Variants in ARB2A observed in about 807,000 individuals in gnomAD.
The protein encoded by ARB2A is ARB2 cotranscriptional regulator A.
At chr5:93,671,446 G>C in the ARB2A span, among the ~76,000 whole-genome samples, 1 of 152,006 alleles carries the variant, frequency 6.6e-6, no homozygotes, top group African/African-American at 2.4e-5. Flanking sequence ...TTGAAAATTT[G>C]TTCTAAATGT....
the ARB2A span, among the ~76,000 whole-genome samples, chr5:93,783,544 T>G: frequency 6.6e-6 from 1 of 152,146 alleles, no homozygotes; most frequent in African/African-American, 2.4e-5. Context: ...GAAGAGCCAC[T>G]AGGTATTCTA....
the ARB2A span, among the ~76,000 whole-genome samples, chr5:93,751,739 T>C: frequency 6.6e-6 from 1 of 152,180 alleles, no homozygotes; most frequent in African/African-American, 2.4e-5. Context: ...GCAATGCAGT[T>C]TTCTTTGAAG....
the ARB2A span, among the ~76,000 whole-genome samples, chr5:94,006,802 G>C: frequency 6.6e-6 from 1 of 152,148 alleles, no homozygotes; most frequent in Non-Finnish European, 1.5e-5. Flanking sequence ...ATATGAAATT[G>C]CTCATAAAAT....
chr5:93,946,777 T>C, the ARB2A span, among the ~76,000 whole-genome samples: 15 of 152,310 alleles, frequency 9.8e-5, no homozygotes, highest in African/African-American at 2.6e-4. Context: ...ATTACATGTA[T>C]GAATCACAGT....
At chr5:93,945,969 C>T in the ARB2A span, among the ~76,000 whole-genome samples, 1 of 152,112 alleles carries the variant, frequency 6.6e-6, no homozygotes, top group Admixed American at 6.5e-5. Flanking sequence ...ACACTGGAAA[C>T]TAGAAGACAA....
chr5:93,987,892 C>T, the ARB2A span, among the ~76,000 whole-genome samples: 2 of 152,142 alleles, frequency 1.3e-5, no homozygotes, highest in African/African-American at 4.8e-5. Context: ...AATATTCAAA[C>T]ATTTATTGAA....
At chr5:93,679,663 G>A in the ARB2A span, among the ~76,000 whole-genome samples, 1 of 151,966 alleles carries the variant, frequency 6.6e-6, no homozygotes, top group African/African-American at 2.4e-5. Context: ...TGTAAATGAG[G>A]GGACTATGTG....
At chr5:93,709,988 A>G in the ARB2A span, among the ~76,000 whole-genome samples, 1 of 152,222 alleles carries the variant, frequency 6.6e-6, no homozygotes, top group Non-Finnish European at 1.5e-5. Flanking sequence ...TTAATACAGG[A>G]AGGGCTTAAG....
chr5:93,852,392 C>A, the ARB2A span, among the ~76,000 whole-genome samples: 2 of 152,044 alleles, frequency 1.3e-5, no homozygotes, highest in Non-Finnish European at 2.9e-5. Context: ...AATTTTCTCC[C>A]ATTTTGTAGG....
At chr5:93,806,640 C>T in the ARB2A span, among the ~76,000 whole-genome samples, 1 of 151,790 alleles carries the variant, frequency 6.6e-6, no homozygotes, top group Non-Finnish European at 1.5e-5. Flanking sequence ...ACATTTAATT[C>T]GCTCCAGAGT....
chr5:93,650,732 T>C, the ARB2A span, among the ~76,000 whole-genome samples: 1 of 152,024 alleles, frequency 6.6e-6, no homozygotes, highest in South Asian at 2.1e-4. Context: ...GGCTAATGCT[T>C]GTAATCCAGC....
chr5:93,846,000 G>GACACACACACAC, the ARB2A span, among the ~76,000 whole-genome samples: 1 of 146,668 alleles, frequency 6.8e-6, no homozygotes, highest in Non-Finnish European at 1.5e-5. Context: ...CTCTCTCTGT[G>GACACACACACAC]ACACACACAC....
At chr5:94,043,452 A>G in the ARB2A span, among the ~76,000 whole-genome samples, 1 of 152,224 alleles carries the variant, frequency 6.6e-6, no homozygotes, top group South Asian at 2.1e-4. Context: ...ACTTACAGCA[A>G]TATAGTTATT....
the ARB2A span, among the ~76,000 whole-genome samples, chr5:93,841,305 T>C: frequency 6.6e-6 from 1 of 152,316 alleles, no homozygotes; most frequent in Non-Finnish European, 1.5e-5. Flanking sequence ...ATACCCAACA[T>C]GGCCAGACTT....
the ARB2A span, among the ~76,000 whole-genome samples, chr5:94,005,539 A>G: frequency 6.6e-6 from 1 of 152,216 alleles, no homozygotes; most frequent in East Asian, 1.9e-4. Flanking sequence ...TGACTGCAAA[A>G]GCACTACAAG....
At chr5:94,016,817 C>T in the ARB2A span, among the ~76,000 whole-genome samples, 1 of 152,140 alleles carries the variant, frequency 6.6e-6, no homozygotes, top group Non-Finnish European at 1.5e-5. Context: ...AAATAATTCA[C>T]AAGTCAGGTA....
the ARB2A span, among the ~76,000 whole-genome samples, chr5:93,832,070 A>G: frequency 6.6e-6 from 1 of 152,188 alleles, no homozygotes; most frequent in Non-Finnish European, 1.5e-5. Flanking sequence ...TCCATTGACT[A>G]AAAAAGATAT....
At chr5:93,977,424 G>A in the ARB2A span, among the ~76,000 whole-genome samples, 2 of 152,000 alleles carry the variant, frequency 1.3e-5, no homozygotes, top group Non-Finnish European at 2.9e-5. Context: ...TAGATACATA[G>A]GCCAATGGAA....
the ARB2A span, among the ~76,000 whole-genome samples, chr5:94,029,737 T>G: frequency 1.3e-5 from 2 of 152,262 alleles, no homozygotes; most frequent in Non-Finnish European, 2.9e-5. Context: ...ATTTTGGTAC[T>G]GTGCAAATAT....
Sources: gnomAD v4.1 joint callset for allele counts (sites outside exome capture counted in the v4.1 genomes callset) on GRCh38, gnomAD v4.1.1 for gene constraint, MANE v1.5 for transcripts, NCBI Gene and HGNC (gene_info 2026-07-23, HGNC 2026-07-21) for gene names.